The following SLC15A5 variants were observed in gnomAD, a reference collection of about 807,000 sequenced individuals.
The protein encoded by SLC15A5 is Peptide/histidine transporter ENSP00000340402.
A neutral mutation model predicts 56.1 loss-of-function variants in SLC15A5; 58 were observed. The observed-to-expected ratio is 1.03, with a 90% CI of 0.84 to 1.29. The LOEUF (loss-of-function observed/expected upper bound fraction) is 1.29. SLC15A5 is among the 50% of genes most tolerant of loss of function. SLC15A5 has a pLI of 0.00. For missense variants in SLC15A5, 681 were observed against 672.1 expected (o/e 1.01, Z -0.15); for synonymous variants, 264 against 250.5 (o/e 1.05, Z -0.51).
chr12:16,234,724 C>T (rs950175265), intron 5 of SLC15A5, among the ~76,000 whole-genome samples: 3 of 152,022 alleles, frequency 2.0e-5, no homozygotes, highest in African/African-American at 4.8e-5. Flanking sequence ...ATTATTGAAC[C>T]ATGTAATAAT....
At chr12:16,259,015 C>CTTTT (rs1864610401) in intron 2 of SLC15A5, among the ~76,000 whole-genome samples, 8 of 63,648 alleles carry the variant, frequency 1.3e-4, no homozygotes, top group Middle Eastern at 0.011. Context: ...TTTTTCTTTT[C>CTTTT]TTTCTTTCCT....
chr12:16,236,206 G>A (rs1864350464), intron 5 of SLC15A5, among the ~76,000 whole-genome samples: 1 of 151,866 alleles, frequency 6.6e-6, no homozygotes, highest in African/African-American at 2.4e-5. Flanking sequence ...GCTAAGGAAA[G>A]GAAATACTCA....
intron 2 of SLC15A5, among the ~76,000 whole-genome samples, chr12:16,266,000 AAC>A (rs1864691332): frequency 1.3e-5 from 2 of 152,168 alleles, no homozygotes; most frequent in African/African-American, 2.4e-5. Flanking sequence ...TAATCAAACA[AAC>A]ACAACGTAAA....
At chr12:16,273,380 A>G (rs1864781875) in intron 1 of SLC15A5, among the ~76,000 whole-genome samples, 1 of 152,012 alleles carries the variant, frequency 6.6e-6, no homozygotes. Flanking sequence ...GAGTTGAGAA[A>G]GCTGGGGACA....
intron 1 of SLC15A5, among the ~76,000 whole-genome samples, chr12:16,275,399 T>G (rs1864805616): frequency 6.6e-6 from 1 of 152,026 alleles, no homozygotes; most frequent in Non-Finnish European, 1.5e-5. Flanking sequence ...GTATGCTAAA[T>G]TAATAAGTTT....
rs529605988 is a variant in SLC15A5, at chr12:16,260,421, C to T, written c.585-2551G>A. On this transcript the variant is annotated intron_variant, in intron 2 of 8. Coordinates refer to ENST00000344941, the MANE Select transcript of SLC15A5 (RefSeq NM_001170798.1). ...TTGTTGTGTTAAGTTCGGGTTTTTT[C>T]AATGTAAGAAGTACTTGGGAGAAAT... is the stretch of plus-strand genomic sequence containing the variant. 7.7e-4 allele frequency among the ~76,000 whole-genome samples: 117 copies of T among 151,880 alleles called. 1 individual carries two copies. Among genetic ancestry groups the T allele is most frequent in the South Asian group, 5.2e-3 (25 of 4,792 alleles).
chr12:16,200,025 C>T (rs1309430465), intron 7 of SLC15A5, among the ~76,000 whole-genome samples: 1 of 151,962 alleles, frequency 6.6e-6, no homozygotes, highest in African/African-American at 2.4e-5. Flanking sequence ...TATCCACATA[C>T]ACTCTCAGTT....
At chr12:16,193,780 GGAGAGAGAGAGAGAGAGAGAGAGA>G (rs766458422) in intron 8 of SLC15A5, among the ~76,000 whole-genome samples, 12,629 of 75,284 alleles carry the variant, frequency 0.17, 1,940 homozygotes, top group East Asian at 0.26. Flanking sequence ...TATGTCAAGG[GGAGAGAGAGAGAGAGAGAGAGAGA>G]GAGAGAGAGA....
intron 7 of SLC15A5, among the ~76,000 whole-genome samples, chr12:16,203,911 T>A (rs962071312): frequency 6.6e-6 from 1 of 152,156 alleles, no homozygotes; most frequent in Non-Finnish European, 1.5e-5. Flanking sequence ...ATAACAGTGA[T>A]CACCTCAGTG....
chr12:16,195,893 A>G (rs1863890325), intron 7 of SLC15A5, among the ~76,000 whole-genome samples: 1 of 152,140 alleles, frequency 6.6e-6, no homozygotes, highest in Non-Finnish European at 1.5e-5. Context: ...ACTATGGATC[A>G]GCAATGAAAA....
chr12:16,248,732 T>G (rs765258630), intron 3 of SLC15A5, among the ~76,000 whole-genome samples: 4 of 152,006 alleles, frequency 2.6e-5, no homozygotes, highest in Admixed American at 6.6e-5. Context: ...TGCAAATAAT[T>G]TTGGGTGTCA....
chr12:16,242,477 A>G (rs940282988), intron 4 of SLC15A5, among the ~76,000 whole-genome samples: 13 of 151,762 alleles, frequency 8.6e-5, no homozygotes, highest in African/African-American at 3.1e-4. Context: ...GTGACTGGGA[A>G]CAAGTTGCAA....
At chr12:16,272,416 G>GA (rs1316655137) in intron 2 of SLC15A5, 145 bp downstream of exon 2, 1 of 772,496 alleles carries the variant, frequency 1.3e-6, no homozygotes, top group African/African-American at 1.7e-5. Context: ...TGTGATTACT[G>GA]ACTGAATCAT....
chr12:16,265,946 G>T (rs1864690892), intron 2 of SLC15A5, among the ~76,000 whole-genome samples: 1 of 152,076 alleles, frequency 6.6e-6, no homozygotes, highest in Non-Finnish European at 1.5e-5. Flanking sequence ...AATAAATGGA[G>T]ATTAAATAAC....
chr12:16,253,674 C>T (rs1455473224), intron 3 of SLC15A5, among the ~76,000 whole-genome samples: 4 of 147,422 alleles, frequency 2.7e-5, no homozygotes, highest in East Asian at 2.1e-4. Context: ...ATTTTGAGAT[C>T]AGCCTAGGCA....
rs182194153 is a variant in SLC15A5, at chr12:16,273,153, A to C, written c.362-370T>G. Reference sequence around the variant, plus strand: ...CCCCAGAGAAAACCACTGTTAATAAAGGTTATTTGTTCTTAATCAATCGAG... The same window carrying C: ...CCCCAGAGAAAACCACTGTTAATAACGGTTATTTGTTCTTAATCAATCGAG... On this transcript the variant is annotated intron_variant, in intron 1 of 8. Coordinates refer to ENST00000344941, the MANE Select transcript of SLC15A5 (RefSeq NM_001170798.1). Among the ~76,000 whole-genome samples the C allele has an allele frequency of 3.3e-5, 5 of 152,274 alleles. No homozygotes were observed. The East Asian group carries it at 9.7e-4, about 29-fold the overall frequency.
At chr12:16,207,273 AATTTAAATAATTAC>A (rs1377530092) in intron 7 of SLC15A5, among the ~76,000 whole-genome samples, 5 of 152,338 alleles carry the variant, frequency 3.3e-5, no homozygotes, top group Admixed American at 2.6e-4. Flanking sequence ...TAAAATGTTG[AATTTAAATAATTAC>A]ATGGATATAA....
intron 7 of SLC15A5, among the ~76,000 whole-genome samples, chr12:16,194,899 G>A (rs1285176837): frequency 1.3e-5 from 2 of 152,062 alleles, no homozygotes; most frequent in African/African-American, 2.4e-5. Flanking sequence ...TGTAAGGATA[G>A]TGAGATGATG....
chr12:16,204,533 A>C (rs1021381659), intron 7 of SLC15A5, among the ~76,000 whole-genome samples: 1 of 151,920 alleles, frequency 6.6e-6, no homozygotes, highest in South Asian at 2.1e-4. Context: ...AAGATAACCA[A>C]AAAGATAAGT....
Sources: allele counts gnomAD v4.1 joint callset (sites outside exome capture counted in the v4.1 genomes callset), GRCh38; gene constraint gnomAD v4.1.1; transcripts MANE v1.5; gene names NCBI Gene and HGNC (gene_info 2026-07-23, HGNC 2026-07-21).